The following NKX6-2 variants were observed in gnomAD, a reference collection of about 807,000 sequenced individuals.
NKX6-2 encodes the protein NK6 homeobox 2, also known as homeobox protein Nkx-6.2.
NKX6-2 carries 22 observed loss-of-function variants against 19.9 expected under a neutral mutation model. The ratio of observed to expected loss-of-function variants is 1.10; its 90% CI spans 0.79 to 1.58. The LOEUF (loss-of-function observed/expected upper bound fraction) is 1.58. Among genes scored for constraint, NKX6-2 ranks in the 40% most tolerant of loss-of-function variants. NKX6-2 has a pLI of 0.00. For missense variants in NKX6-2, 475 were observed against 410.6 expected, an observed-to-expected ratio of 1.16 and a Z score of -1.35; for synonymous variants, 257 against 204.0, an observed-to-expected ratio of 1.26 and a Z score of -2.21.
rs929128709 is a variant in NKX6-2, at chr10:132,785,478, G to C, written c.407-26C>G. The C allele has an allele frequency of 8.7e-6, 13 of 1,498,084 alleles. 1 individual carries two copies. Among genetic ancestry groups the C allele is most frequent in the Middle Eastern group, 2.3e-4 (1 of 4,298 alleles). 92.8% of individuals were successfully genotyped at this position (1,498,084 alleles called of 1,614,324 possible). A position where few individuals can be genotyped will look rare whatever the true frequency, so the allele number is the denominator to read the frequency against. On this transcript the variant is annotated intron_variant, in intron 1 of 2. Transcript: ENST00000368592. This position sits in a 1 kb window ranked among gnomAD's most constrained non-coding sequence, Gnocchi z 5.5. The stretch of plus-strand genomic sequence containing the variant: ...CTGCAAGGGAGGGGAAGGGAGGGAG[G>C]TCAGCGGCCGGCGGGGTCCCCCTCC...
Position 132,785,801 on chromosome 10 carries a change from C to G in NKX6-2, c.148G>C (p.Ala50Pro). 1.5e-6 allele frequency: 2 copies of G among 1,363,286 alleles called. No individual in the cohort carries two copies. Among genetic ancestry groups the G allele is most frequent in the Non-Finnish European group, 1.9e-6 (2 of 1,056,304 alleles). The allele number at this position is 1,363,286 out of a possible 1,614,324, so 84.4% of individuals were successfully genotyped here. Residue 50 changes from alanine (A) to proline (P), a missense_variant, in exon 1 of 3, where the codon GCG becomes CCG. By Grantham distance (27) the Ala-to-Pro change is conservative (BLOSUM62 -1). Transcript: ENST00000368592. The surrounding 1 kb of genome is among the most constrained non-coding windows in gnomAD (Gnocchi z 5.5). ...TGCGGGGTCCCGAGCGGGAGCTGCGCGCCCAGGCCCCCCAGCGCGGGCGCC... is the reference window on the plus strand; with the variant it reads ...TGCGGGGTCCCGAGCGGGAGCTGCGGGCCCAGGCCCCCCAGCGCGGGCGCC... ...FKAPALGGLGAQLPLGTPHGI... is the reference protein window; with the variant it reads ...FKAPALGGLGPQLPLGTPHGI...
Position 132,785,247 on chromosome 10 carries a change from C to T in NKX6-2, c.579+33G>A. On this transcript the variant is annotated intron_variant, in intron 2 of 2. Coordinates refer to ENST00000368592, the MANE Select transcript of NKX6-2 (RefSeq NM_177400.3). The surrounding 1 kb of genome is among the most constrained non-coding windows in gnomAD (Gnocchi z 5.5). ...GGGCCGTTCGCAGGACGCGGGCCCC[C>T]GGCTCTGCTCTCCCGAGCCCCGCCG... The T allele has an allele frequency of 1.9e-6, 3 of 1,589,352 alleles. No individual in the cohort carries two copies. Among genetic ancestry groups the T allele is most frequent in the Non-Finnish European group, 2.6e-6 (3 of 1,169,142 alleles).
rs143723289 is a variant in NKX6-2, at chr10:132,784,542, C to T, written c.*374G>A. 5.2e-3 allele frequency: 956 copies of T among 184,058 alleles called. 13 individuals are homozygous for T. Among genetic ancestry groups the T allele is most frequent in the African/African-American group, 0.021 (881 of 42,752 alleles). 11.4% of individuals were successfully genotyped at this position (184,058 alleles called of 1,614,324 possible). On this transcript the variant is annotated 3_prime_UTR_variant, in exon 3 of 3. Transcript: ENST00000368592. ...AAGCGCGTCCGAATCCGCCCCGAGGCGAGGCGGGCCGGGCCGTACCTGCTG... is the reference window on the plus strand; with the variant it reads ...AAGCGCGTCCGAATCCGCCCCGAGGTGAGGCGGGCCGGGCCGTACCTGCTG...
chr10:132,785,856 G>T lies in NKX6-2; in HGVS notation c.93C>A (p.Pro31=). The change falls in exon 1 of 3, where the codon CCC becomes CCA. Residue 31 remains proline (P), a synonymous_variant. Coordinates refer to ENST00000368592, the MANE Select transcript of NKX6-2 (RefSeq NM_177400.3). This position sits in a 1 kb window ranked among gnomAD's most constrained non-coding sequence, Gnocchi z 5.5. Reference sequence around the variant, plus strand: ...AGCCGGCCGGACCCTGCAGCGCGTAGGGGAACAGCGACGTCTTCATCTCGG... The same window carrying T: ...AGCCGGCCGGACCCTGCAGCGCGTATGGGAACAGCGACGTCTTCATCTCGG... ...NMAEMKTSLF[P]YALQGPAGFK... The T allele has an allele frequency of 1.4e-6, 2 of 1,388,126 alleles. No individual in the cohort carries two copies. The highest frequency in any genetic ancestry group is 1.9e-6 in the Non-Finnish European group (2 of 1,054,988). The allele number at this position is 1,388,126 out of a possible 1,614,324, so 86.0% of individuals were successfully genotyped here.
rs1301447213 is a variant in NKX6-2 at position 132,785,742 on chromosome 10, G to T, written c.207C>A (p.Gly69=). The change falls in exon 1 of 3, where the codon GGC becomes GGA. Residue 69 remains glycine (G), a synonymous_variant. Transcript: ENST00000368592. The surrounding 1 kb of genome is among the most constrained non-coding windows in gnomAD (Gnocchi z 5.5). ...GISDILGRPV[G]AAGGGLLGGL... ...CCCCCAGGAGGCCCCCGCCCGCCGCGCCCACGGGCCGGCCCAGGATGTCGC... is the reference window on the plus strand; with the variant it reads ...CCCCCAGGAGGCCCCCGCCCGCCGCTCCCACGGGCCGGCCCAGGATGTCGC... 2.4e-6 allele frequency: 3 copies of T among 1,230,618 alleles called. No homozygotes were observed. The highest frequency in any genetic ancestry group is 3.0e-6 in the Non-Finnish European group (3 of 988,472). The allele number at this position is 1,230,618 out of a possible 1,614,324, so 76.2% of individuals were successfully genotyped here.
In NKX6-2 at chr10:132,785,881, G is replaced by A; in HGVS notation, c.68C>T (p.Ala23Val). Reference sequence around the variant, plus strand: ...GGGGAACAGCGACGTCTTCATCTCGGCCATGTTGTGCAGCGCGGCCAGCGG... The same window carrying A: ...GGGGAACAGCGACGTCTTCATCTCGACCATGTTGTGCAGCGCGGCCAGCGG... ...SAPLAALHNM[A>V]EMKTSLFPYA... Residue 23 changes from alanine (A) to valine (V), a missense_variant, in exon 1 of 3, where the codon GCC becomes GTC. Ala to Val is a moderately conservative substitution (Grantham distance 64). Coordinates refer to ENST00000368592, the MANE Select transcript of NKX6-2 (RefSeq NM_177400.3). The surrounding 1 kb of genome is among the most constrained non-coding windows in gnomAD (Gnocchi z 5.5). The A allele has an allele frequency of 7.2e-7, 1 of 1,392,858 alleles. No homozygotes were observed. Among genetic ancestry groups the A allele is most frequent in the South Asian group, 1.4e-5 (1 of 71,966 alleles). 86.3% of individuals were successfully genotyped at this position (1,392,858 alleles called of 1,614,324 possible).
At position 132,784,932 on chromosome 10, in the gene NKX6-2, G is replaced by T; in HGVS notation, c.818C>A (p.Ala273Glu). The change falls in exon 3 of 3, where the codon GCG becomes GAG. Residue 273 changes from alanine (A) to glutamate (E), a missense_variant. Ala to Glu is a moderately radical substitution (Grantham distance 107). Coordinates refer to ENST00000368592, the MANE Select transcript of NKX6-2 (RefSeq NM_177400.3). ...LALVSPCGGG[A>E]GDAL ...CGCGGGTCCTCACAAGGCGTCCCCC[G>T]CGCCGCCGCCGCACGGGCTGACCAG... 6.2e-7 allele frequency: 1 copy of T among 1,612,128 alleles called. No homozygotes were observed. Among genetic ancestry groups the T allele is most frequent in the South Asian group, 1.1e-5 (1 of 91,054 alleles).
chr10:132,785,999 C>G lies in NKX6-2; in HGVS notation c.-51G>C. 2.1e-6 allele frequency: 1 copy of G among 479,826 alleles called. No individual in the cohort carries two copies. Among genetic ancestry groups the G allele is most frequent in the Non-Finnish European group, 3.0e-6 (1 of 335,928 alleles). The allele number at this position is 479,826 out of a possible 1,614,324, so 29.7% of individuals were successfully genotyped here. A position where few individuals can be genotyped will look rare whatever the true frequency, so the allele number is the denominator to read the frequency against. ...TCCCATCCGGGCCCCGCCGCCGCCGCCCCTGCCCGCCGGCCCGGGAAGTTT... is the reference window on the plus strand; with the variant it reads ...TCCCATCCGGGCCCCGCCGCCGCCGGCCCTGCCCGCCGGCCCGGGAAGTTT... On this transcript the variant is annotated 5_prime_UTR_variant, in exon 1 of 3. Transcript: ENST00000368592. This position sits in a 1 kb window ranked among gnomAD's most constrained non-coding sequence, Gnocchi z 5.5.
chr10:132,785,907 G>C lies in NKX6-2; in HGVS notation c.42C>G (p.Ala14=), dbSNP rs768010945. 6.6e-6 allele frequency: 9 copies of C among 1,370,946 alleles called. No individual in the cohort carries two copies. The African/African-American group carries it at 1.4e-4, about 21-fold the overall frequency. 84.9% of individuals were successfully genotyped at this position (1,370,946 alleles called of 1,614,324 possible). ...CCATGTTGTGCAGCGCGGCCAGCGG[G>C]GCACTGCTCAGCACGAACGCGCCCG... The part of the protein sequence containing the change: ...NRPGAFVLSS[A]PLAALHNMAE... The change falls in exon 1 of 3, where the codon GCC becomes GCG. Residue 14 remains alanine, a synonymous_variant. Transcript: ENST00000368592. The surrounding 1 kb of genome is among the most constrained non-coding windows in gnomAD (Gnocchi z 5.5).
Position 132,785,235 on chromosome 10 carries a change from G to A in NKX6-2, c.579+45C>T, listed in dbSNP as rs537303811. 6.3e-7 allele frequency: 1 copy of A among 1,580,682 alleles called. No individual in the cohort carries two copies. The highest frequency in any genetic ancestry group is 1.4e-5 in the African/African-American group (1 of 73,662). ...GGGCTGGCGCTGGGGCCGTTCGCAG[G>A]ACGCGGGCCCCCGGCTCTGCTCTCC... On this transcript the variant is annotated intron_variant, in intron 2 of 2. Transcript: ENST00000368592. The surrounding 1 kb of genome is among the most constrained non-coding windows in gnomAD (Gnocchi z 5.5).
chr10:132,785,228 T>C lies in NKX6-2; in HGVS notation c.579+52A>G. ...GGGCCCGGGGCTGGCGCTGGGGCCGTTCGCAGGACGCGGGCCCCCGGCTCT... is the reference window on the plus strand; with the variant it reads ...GGGCCCGGGGCTGGCGCTGGGGCCGCTCGCAGGACGCGGGCCCCCGGCTCT... On this transcript the variant is annotated intron_variant, in intron 2 of 2. Transcript: ENST00000368592. This position sits in a 1 kb window ranked among gnomAD's most constrained non-coding sequence, Gnocchi z 5.5. 1 of 1,578,996 alleles carries C rather than the reference T, an allele frequency of 6.3e-7. No homozygotes were observed. The highest frequency in any genetic ancestry group is 1.1e-5 in the South Asian group (1 of 86,986).
At position 132,785,076 on chromosome 10, in the gene NKX6-2, AGCTTCTCGGCGTCC is replaced by A; in HGVS notation, c.660_673del (p.Asp221GlufsTer234). ...CTCCGCGTCCGAGCCGCCCACCTTC[AGCTTCTCGGCGTCC>A]GAGTCCTGCTTCTTCTTGGCCGACG... On this transcript the variant is annotated frameshift_variant, in exon 3 of 3. Transcript: ENST00000368592. LOFTEE classifies it high-confidence loss of function. The surrounding 1 kb of genome is among the most constrained non-coding windows in gnomAD (Gnocchi z 5.5). 6.2e-7 allele frequency: 1 copy of A among 1,609,446 alleles called. No homozygotes were observed. Among genetic ancestry groups the A allele is most frequent in the Non-Finnish European group, 8.5e-7 (1 of 1,176,966 alleles).
In NKX6-2 at chr10:132,785,827, T is replaced by C. The variant is rs529443979; in HGVS notation, c.122A>G (p.Lys41Arg). ...GCCCAGGCCCCCCAGCGCGGGCGCCTTGAAGCCGGCCGGACCCTGCAGCGC... is the reference window on the plus strand; with the variant it reads ...GCCCAGGCCCCCCAGCGCGGGCGCCCTGAAGCCGGCCGGACCCTGCAGCGC... ...PYALQGPAGF[K>R]APALGGLGAQ... is the part of the protein sequence containing the mutation. Residue 41 changes from lysine to arginine, a missense_variant, in exon 1 of 3, where the codon AAG becomes AGG. Coordinates refer to ENST00000368592, the MANE Select transcript of NKX6-2 (RefSeq NM_177400.3). This position sits in a 1 kb window ranked among gnomAD's most constrained non-coding sequence, Gnocchi z 5.5. The C allele has an allele frequency of 1.9e-5, 26 of 1,381,334 alleles. 1 individual carries two copies. In the South Asian group the frequency reaches 3.4e-4, roughly 18 times the overall value. The allele number at this position is 1,381,334 out of a possible 1,614,324, so 85.6% of individuals were successfully genotyped here. A position where few individuals can be genotyped will look rare whatever the true frequency, so the allele number is the denominator to read the frequency against.
In NKX6-2 at chr10:132,785,726, G is replaced by A. The variant is rs1847256603; in HGVS notation, c.223C>T (p.Leu75Phe). 1 of 1,232,836 alleles carries A rather than the reference G, an allele frequency of 8.1e-7. No homozygotes were observed. The highest frequency in any genetic ancestry group is 1.6e-5 in the African/African-American group (1 of 63,220). 76.4% of individuals were successfully genotyped at this position (1,232,836 alleles called of 1,614,324 possible). A position where few individuals can be genotyped will look rare whatever the true frequency, so the allele number is the denominator to read the frequency against. Residue 75 changes from leucine (L) to phenylalanine (F), a missense_variant, in exon 1 of 3, where the codon CTC becomes TTC. Transcript: ENST00000368592. This position sits in a 1 kb window ranked among gnomAD's most constrained non-coding sequence, Gnocchi z 5.5. ...TTGAGCCGGGGCAGCCCCCCCAGGA[G>A]GCCCCCGCCCGCCGCGCCCACGGGC... ...GRPVGAAGGG[L>F]LGGLPRLNGL...
At position 132,785,494 on chromosome 10, in the gene NKX6-2, G is replaced by T. The variant is rs1847252406; in HGVS notation, c.407-42C>A. The T allele has an allele frequency of 2.6e-5, 38 of 1,448,620 alleles. No individual in the cohort carries two copies. The highest frequency in any genetic ancestry group is 3.4e-5 in the Non-Finnish European group (37 of 1,098,884). 89.7% of individuals were successfully genotyped at this position (1,448,620 alleles called of 1,614,324 possible). ...GGGAGGGAGGTCAGCGGCCGGCGGG[G>T]TCCCCCTCCGCGCCCACCCGCCCCG... On this transcript the variant is annotated intron_variant, in intron 1 of 2. Transcript: ENST00000368592. The surrounding 1 kb of genome is among the most constrained non-coding windows in gnomAD (Gnocchi z 5.5).
Position 132,783,877 on chromosome 10 carries a change from A to T in NKX6-2, c.*1039T>A, listed in dbSNP as rs959301548. On this transcript the variant is annotated 3_prime_UTR_variant, in exon 3 of 3. Transcript: ENST00000368592. ...AACGCGCCGAGTTTAAGCCCTTTCTATTTCCCTTTAACGCTTCCGCAAATG... is the reference window on the plus strand; with the variant it reads ...AACGCGCCGAGTTTAAGCCCTTTCTTTTTCCCTTTAACGCTTCCGCAAATG... The T allele has an allele frequency of 6.6e-6, 1 of 152,222 alleles. No individual in the cohort carries two copies. The highest frequency in any genetic ancestry group is 1.5e-5 in the Non-Finnish European group (1 of 68,038). 9.4% of individuals were successfully genotyped at this position (152,222 alleles called of 1,614,324 possible). A position where few individuals can be genotyped will look rare whatever the true frequency, so the allele number is the denominator to read the frequency against.
rs539578049 is a variant in NKX6-2, at chr10:132,783,423, G to A, written c.*1493C>T. On this transcript the variant is annotated 3_prime_UTR_variant, in exon 3 of 3. Transcript: ENST00000368592. ...GTTTCAGCTGTTGGTCGTTCTGAGG[G>A]GCCTTTGGAAGTGACCGGTCTGGTT... 1 of 152,518 alleles carries A rather than the reference G, an allele frequency of 6.6e-6. No individual in the cohort carries two copies. The highest frequency in any genetic ancestry group is 6.5e-5 in the Admixed American group (1 of 15,290). The allele number at this position is 152,518 out of a possible 1,614,324, so 9.4% of individuals were successfully genotyped here.
chr10:132,784,772 G>A lies in NKX6-2; in HGVS notation c.*144C>T. 1.5e-6 allele frequency: 1 copy of A among 685,330 alleles called. No individual in the cohort carries two copies. The allele number at this position is 685,330 out of a possible 1,614,324, so 42.5% of individuals were successfully genotyped here. The stretch of plus-strand genomic sequence containing the variant: ...GCCGCCTCGCTCCGGGTTCGAGACG[G>A]AAGAAACACGCGGCGCAGGCTCCGG... On this transcript the variant is annotated 3_prime_UTR_variant, in exon 3 of 3. Coordinates refer to ENST00000368592, the MANE Select transcript of NKX6-2 (RefSeq NM_177400.3).
chr10:132,784,924 C>G lies in NKX6-2; in HGVS notation c.826G>C (p.Ala276Pro). 1 of 1,611,714 alleles carries G rather than the reference C, an allele frequency of 6.2e-7. No individual in the cohort carries two copies. Among genetic ancestry groups the G allele is most frequent in the South Asian group, 1.1e-5 (1 of 91,026 alleles). ...VSPCGGGAGDAL is the reference protein window; with the variant it reads ...VSPCGGGAGDPL ...CCCCACCCCGCGGGTCCTCACAAGG[C>G]GTCCCCCGCGCCGCCGCCGCACGGG... Residue 276 changes from alanine (A) to proline (P), a missense_variant, in exon 3 of 3, where the codon GCC becomes CCC. Ala to Pro is a conservative substitution (Grantham distance 27). Transcript: ENST00000368592.
Sources: allele counts gnomAD v4.1 joint callset, GRCh38; gene constraint gnomAD v4.1.1; non-coding constraint Gnocchi (gnomAD v3.1); transcripts MANE v1.5; gene names NCBI Gene and HGNC (gene_info 2026-07-23, HGNC 2026-07-21).